Variants in PLEKHH1 observed in about 807,000 individuals in gnomAD.
PLEKHH1 encodes the protein pleckstrin homology, MyTH4 and FERM domain containing H1, also known as pleckstrin homology domain-containing family H member 1.
In PLEKHH1, 104 loss-of-function variants were observed where a neutral mutation model predicts 160.0. That is an observed-to-expected ratio of 0.65 (90% CI 0.55 to 0.76). The LOEUF (loss-of-function observed/expected upper bound fraction) is 0.76, where lower values mean the gene tolerates loss of function less well. Ranked by LOEUF, PLEKHH1 falls within the 30% of genes least tolerant of loss-of-function variation. The pLI is 0.00. For synonymous variants in PLEKHH1, 619 were observed against 678.4 expected (o/e 0.91, Z 1.36); for missense variants, 1,427 against 1,724.1 (o/e 0.83, Z 3.05).
Position 67,587,330 on chromosome 14 carries a change from C to A in PLEKHH1, c.*95C>A. 2 of 1,335,026 alleles carry A rather than the reference C, an allele frequency of 1.5e-6. No individual in the cohort carries two copies. Among genetic ancestry groups the A allele is most frequent in the Non-Finnish European group, 2.2e-6 (2 of 926,534 alleles). 82.7% of individuals were successfully genotyped at this position (1,335,026 alleles called of 1,614,324 possible). On this transcript the variant is annotated 3_prime_UTR_variant, in exon 29 of 29. Coordinates refer to ENST00000329153, the MANE Select transcript of PLEKHH1 (RefSeq NM_020715.3). ...GATACTACTGTGACGGGTCTAACAG[C>A]CCCCGGCTACTCTTGTTCTGTGAAA...
At position 67,562,786 on chromosome 14, in the gene PLEKHH1, A is replaced by T. The variant is rs1225237140; in HGVS notation, c.1155A>T (p.Ala385=). The part of the protein sequence containing the change: ...EKMEMEEPPP[A]GKNEERESPK... ...TGGAGATGGAGGAGCCACCCCCAGCAGGGAAGAATGAGGAAAGAGAGAGCC... is the reference window on the plus strand; with the variant it reads ...TGGAGATGGAGGAGCCACCCCCAGCTGGGAAGAATGAGGAAAGAGAGAGCC... Residue 385 remains alanine (A), a synonymous_variant, in exon 7 of 29, where the codon GCA becomes GCT. Transcript: ENST00000329153. 1 of 1,613,828 alleles carries T rather than the reference A, an allele frequency of 6.2e-7. No homozygotes were observed. Among genetic ancestry groups the T allele is most frequent in the Non-Finnish European group, 8.5e-7 (1 of 1,179,784 alleles).
intron 18 of PLEKHH1, among the ~76,000 whole-genome samples, chr14:67,577,717 G>A (rs542494363): frequency 3.9e-5 from 6 of 152,218 alleles, no homozygotes; most frequent in Non-Finnish European, 8.8e-5. Flanking sequence ...TGAGAGATTC[G>A]GACCTATTTT....
At chr14:67,539,392 G>A (rs1566720576) in intron 1 of PLEKHH1, among the ~76,000 whole-genome samples, 1 of 152,282 alleles carries the variant, frequency 6.6e-6, no homozygotes, top group South Asian at 2.1e-4. Context: ...GGAGAGCAGC[G>A]CTGAAGTCAT....
chr14:67,576,019 CT>C lies in PLEKHH1; in HGVS notation c.2352+15del. ...AAGCATGAAAAGGTAAGGAAGAGGG[CT>C]GGGCCTCCAGGGCCAAGCTTGGACC... On this transcript the variant is annotated intron_variant, in intron 16 of 28. Coordinates refer to ENST00000329153, the MANE Select transcript of PLEKHH1 (RefSeq NM_020715.3). The surrounding 1 kb of genome is among the most constrained non-coding windows in gnomAD (Gnocchi z 4.0). The C allele has an allele frequency of 6.3e-7, 1 of 1,592,520 alleles. No homozygotes were observed. Among genetic ancestry groups the C allele is most frequent in the East Asian group, 2.3e-5 (1 of 44,442 alleles).
chr14:67,548,802 T>C (rs1255600033), intron 2 of PLEKHH1, among the ~76,000 whole-genome samples: 4 of 152,252 alleles, frequency 2.6e-5, no homozygotes, highest in African/African-American at 9.6e-5. Flanking sequence ...AGTGCAACCA[T>C]GTGTACTTTC....
chr14:67,561,920 G>A (rs2034853929), intron 5 of PLEKHH1, 34 bp from the exon 6 acceptor site: 1 of 1,485,442 alleles, frequency 6.7e-7, no homozygotes, highest in Admixed American at 1.7e-5. Context: ...CTGTAGGCTG[G>A]GTGTCCTAAA....
In PLEKHH1 at chr14:67,582,238, G is replaced by A. The variant is rs760709464; in HGVS notation, c.3426+28G>A. 8.1e-6 allele frequency: 13 copies of A among 1,613,132 alleles called. No individual in the cohort carries two copies. In the African/African-American group the frequency reaches 1.2e-4, roughly 15 times the overall value. The stretch of plus-strand genomic sequence containing the variant: ...AAGGTTCTGTTCAGGAAGCAGGAGG[G>A]TCGGGTTGCCAGCTTAGAATGAATG... On this transcript the variant is annotated intron_variant, in intron 24 of 28. Coordinates refer to ENST00000329153, the MANE Select transcript of PLEKHH1 (RefSeq NM_020715.3). This position sits in a 1 kb window ranked among gnomAD's most constrained non-coding sequence, Gnocchi z 5.0.
chr14:67,551,419 G>C (rs1179316218), intron 2 of PLEKHH1, among the ~76,000 whole-genome samples: 1 of 152,152 alleles, frequency 6.6e-6, no homozygotes, highest in Non-Finnish European at 1.5e-5. Context: ...GGGGCAGCTT[G>C]TGGAATCTTC....
At chr14:67,548,705 A>G (rs2034276220) in intron 2 of PLEKHH1, among the ~76,000 whole-genome samples, 1 of 152,196 alleles carries the variant, frequency 6.6e-6, no homozygotes, top group Non-Finnish European at 1.5e-5. Flanking sequence ...CTCAAAAAAA[A>G]AGAGAGAAGA....
In PLEKHH1 at chr14:67,582,540, C is replaced by T. The variant is rs1023418381; in HGVS notation, c.3426+330C>T. Among the ~76,000 whole-genome samples the T allele has an allele frequency of 1.3e-5, 2 of 152,066 alleles. No homozygotes were observed. Among genetic ancestry groups the T allele is most frequent in the East Asian group, 1.9e-4 (1 of 5,200 alleles). On this transcript the variant is annotated intron_variant, in intron 24 of 28. Coordinates refer to ENST00000329153, the MANE Select transcript of PLEKHH1 (RefSeq NM_020715.3). This position sits in a 1 kb window ranked among gnomAD's most constrained non-coding sequence, Gnocchi z 5.0. The stretch of plus-strand genomic sequence containing the variant: ...TATACCAAAATAAAAAATACTTGGC[C>T]GGGAGCAGTGGCTCATGCCTGTAAT...
chr14:67,587,465 C>A lies in PLEKHH1; in HGVS notation c.*230C>A. 2 of 569,052 alleles carry A rather than the reference C, an allele frequency of 3.5e-6. No individual in the cohort carries two copies. Among genetic ancestry groups the A allele is most frequent in the Non-Finnish European group, 3.1e-6 (1 of 319,726 alleles). 35.3% of individuals were successfully genotyped at this position (569,052 alleles called of 1,614,324 possible). A position where few individuals can be genotyped will look rare whatever the true frequency, so the allele number is the denominator to read the frequency against. On this transcript the variant is annotated 3_prime_UTR_variant, in exon 29 of 29. Transcript: ENST00000329153. ...TGTTAAAACCATTTATTCCTTTTTT[C>A]ATAAGAATAATGACTCCAGATGCTA...
chr14:67,569,121 G>T lies in PLEKHH1; in HGVS notation c.1264-17G>T. 1 of 1,591,138 alleles carries T rather than the reference G, an allele frequency of 6.3e-7. No homozygotes were observed. On this transcript the variant is annotated splice_polypyrimidine_tract_variant and intron_variant, in intron 7 of 28. Coordinates refer to ENST00000329153, the MANE Select transcript of PLEKHH1 (RefSeq NM_020715.3). Reference sequence around the variant, plus strand: ...CATCATGCCGGGCCCTGAGCTTCCTGAGACCTCTTGTTTCAGGAGAGCCGG... The same window carrying T: ...CATCATGCCGGGCCCTGAGCTTCCTTAGACCTCTTGTTTCAGGAGAGCCGG...
Position 67,583,998 on chromosome 14 carries a change from C to A in PLEKHH1, c.3573C>A (p.His1191Gln). Reference protein sequence around the residue: ...RHGAPAEQLRHLADMLTTKWA... With the variant: ...RHGAPAEQLRQLADMLTTKWA... ...TCTCTCCATCTGCCCACACCAGGCA[C>A]CTGGCAGATATGTTGACCACAAAAT... The change falls in exon 26 of 29, where the codon CAC becomes CAA. Residue 1191 changes from histidine to glutamine, a missense_variant. Around this residue, in one of 6 missense-constraint regions of PLEKHH1, gnomAD observed 436 missense variants for 607.5 expected, o/e 0.72. Transcript: ENST00000329153. 6.2e-7 allele frequency: 1 copy of A among 1,614,008 alleles called. No homozygotes were observed. Among genetic ancestry groups the A allele is most frequent in the Non-Finnish European group, 8.5e-7 (1 of 1,179,880 alleles).
intron 28 of PLEKHH1, chr14:67,586,380 G>C (rs1237247579): frequency 7.3e-7 from 1 of 1,376,802 alleles, no homozygotes; most frequent in Non-Finnish European, 9.6e-7. Flanking sequence ...CCAGCATCAT[G>C]CAGTCCTCAG....
chr14:67,557,511 G>T, intron 4 of PLEKHH1, 93 bp downstream of exon 4: 1 of 1,217,988 alleles, frequency 8.2e-7, no homozygotes. Context: ...AAGCCCTCTA[G>T]TGCTGGGGAA....
In PLEKHH1 at chr14:67,587,324, T is replaced by C. The variant is rs758897292; in HGVS notation, c.*89T>C. 15 of 1,428,568 alleles carry C rather than the reference T, an allele frequency of 1.0e-5. No individual in the cohort carries two copies. The South Asian group carries it at 1.1e-4, about 11-fold the overall frequency. 88.5% of individuals were successfully genotyped at this position (1,428,568 alleles called of 1,614,324 possible). ...GGGTATGATACTACTGTGACGGGTC[T>C]AACAGCCCCCGGCTACTCTTGTTCT... On this transcript the variant is annotated 3_prime_UTR_variant, in exon 29 of 29. Transcript: ENST00000329153.
intron 27 of PLEKHH1, 112 bp downstream of exon 27, chr14:67,585,766 C>A (rs368506850): frequency 1.5e-5 from 15 of 980,196 alleles, no homozygotes; most frequent in Admixed American, 2.3e-5. Context: ...GCCCTACCCC[C>A]ACTCCTGCCC....
At chr14:67,572,387 A>T in intron 11 of PLEKHH1, 110 bp downstream of exon 11, 4 of 311,830 alleles carry the variant, frequency 1.3e-5, no homozygotes, top group Non-Finnish European at 1.5e-5. Context: ...GGGTCCCTAG[A>T]GCTGGGGGAT....
chr14:67,585,714 C>T (rs2036123149), intron 27 of PLEKHH1, 60 bp downstream of exon 27: 2 of 1,289,360 alleles, frequency 1.6e-6, no homozygotes, highest in Non-Finnish European at 2.2e-6. Flanking sequence ...GTCTTTTCTT[C>T]TCCTCTGTGG....
Sources: allele counts gnomAD v4.1 joint callset (sites outside exome capture counted in the v4.1 genomes callset), GRCh38; gene constraint gnomAD v4.1.1; regional missense constraint gnomAD v4.1.1; non-coding constraint Gnocchi (gnomAD v3.1); transcripts MANE v1.5; gene names NCBI Gene and HGNC (gene_info 2026-07-23, HGNC 2026-07-21).